Variants in ZNF131 observed in about 807,000 individuals in gnomAD.
The protein encoded by ZNF131 is zinc finger and BTB domain containing 35.
In ZNF131, 7 loss-of-function variants were observed where a neutral mutation model predicts 60.0. The observed-to-expected ratio is 0.12, with a 90% CI of 0.07 to 0.22. The LOEUF is 0.22. ZNF131 is among the 10% of genes least tolerant of loss of function. The pLI is 1.00. For missense variants in ZNF131, 493 were observed against 740.9 expected, an observed-to-expected ratio of 0.67 and a Z score of 3.88; for synonymous variants, 257 against 253.2, an observed-to-expected ratio of 1.01 and a Z score of -0.14.
At position 43,161,783 on chromosome 5, in the gene ZNF131, A is replaced by T; in HGVS notation, c.906A>T (p.Ala302=). The T allele has an allele frequency of 6.2e-7, 1 of 1,614,258 alleles. No individual in the cohort carries two copies. Among genetic ancestry groups the T allele is most frequent in the Non-Finnish European group, 8.5e-7 (1 of 1,180,052 alleles). ...ICNKRYLRES[A]WKQHLNCYHL... ...ATAAACGATATCTTCGAGAGAGCGC[A>T]TGGAAACAGCACCTAAATTGTTACC... Residue 302 remains alanine, a synonymous_variant, in exon 5 of 7, where the codon GCA becomes GCT. Transcript: ENST00000682664.
intron 5 of ZNF131, among the ~76,000 whole-genome samples, chr5:43,168,904 G>A (rs1451457603): frequency 6.6e-6 from 1 of 152,194 alleles, no homozygotes; most frequent in African/African-American, 2.4e-5. Flanking sequence ...GTAGATGGCT[G>A]TTTGATTGGA....
At chr5:43,149,164 G>A (rs367981991) in intron 4 of ZNF131, among the ~76,000 whole-genome samples, 2 of 152,048 alleles carry the variant, frequency 1.3e-5, no homozygotes, top group East Asian at 1.9e-4. Flanking sequence ...CCAGCTACTC[G>A]GGAGGCTGAG....
At chr5:43,172,229 G>C (rs1015306320) in intron 5 of ZNF131, among the ~76,000 whole-genome samples, 5 of 152,314 alleles carry the variant, frequency 3.3e-5, no homozygotes, top group South Asian at 2.1e-4. Flanking sequence ...TCTACCTGCT[G>C]TTTTAACTTG....
At chr5:43,141,188 G>T (rs1384029852) in intron 4 of ZNF131, among the ~76,000 whole-genome samples, 2 of 152,064 alleles carry the variant, frequency 1.3e-5, no homozygotes, top group Non-Finnish European at 2.9e-5. Flanking sequence ...CATATAGCAG[G>T]TGTACAGGAA....
At chr5:43,150,066 C>G (rs1748104930) in intron 4 of ZNF131, among the ~76,000 whole-genome samples, 1 of 152,206 alleles carries the variant, frequency 6.6e-6, no homozygotes, top group Non-Finnish European at 1.5e-5. Context: ...TTCTTGTTCC[C>G]TGTCCCCCTA....
intron 5 of ZNF131, among the ~76,000 whole-genome samples, chr5:43,162,202 T>C (rs949819043): frequency 3.9e-5 from 6 of 152,244 alleles, no homozygotes; most frequent in South Asian, 2.1e-4. Context: ...TTGTGACTTA[T>C]TTCCTAAAGA....
intron 5 of ZNF131, among the ~76,000 whole-genome samples, chr5:43,170,055 A>T (rs1750795185): frequency 6.6e-6 from 1 of 152,118 alleles, no homozygotes; most frequent in African/African-American, 2.4e-5. Flanking sequence ...CTCCCTAATA[A>T]TATGCACATT....
intron 3 of ZNF131, among the ~76,000 whole-genome samples, chr5:43,130,142 T>C (rs1437374017): frequency 6.6e-6 from 1 of 150,994 alleles, no homozygotes; most frequent in Non-Finnish European, 1.5e-5. Context: ...CGCGTGCCTG[T>C]AGTCCCAGCT....
intron 6 of ZNF131, among the ~76,000 whole-genome samples, chr5:43,173,946 G>A (rs1751297539): frequency 6.6e-6 from 1 of 152,138 alleles, no homozygotes; most frequent in Non-Finnish European, 1.5e-5. Context: ...GTATTTAGGT[G>A]GCCAGGCACG....
chr5:43,122,900 G>C (rs1744055590), intron 2 of ZNF131, among the ~76,000 whole-genome samples: 1 of 152,156 alleles, frequency 6.6e-6, no homozygotes, highest in Non-Finnish European at 1.5e-5. Flanking sequence ...AGTTTCAACT[G>C]AGTTGGATAT....
intron 5 of ZNF131, among the ~76,000 whole-genome samples, chr5:43,167,251 GCAGTAATTA>G (rs1750481427): frequency 6.6e-6 from 1 of 152,130 alleles, no homozygotes; most frequent in African/African-American, 2.4e-5. Flanking sequence ...TTGAAATATT[GCAGTAATTA>G]CAGTGACAGA....
In ZNF131 at chr5:43,175,087, A is replaced by G; in HGVS notation, c.1826A>G (p.Glu609Gly). The G allele has an allele frequency of 6.2e-7, 1 of 1,614,210 alleles. No homozygotes were observed. ...ETKPTVDSEA[E>G]KAENEDRTAL... ...AAGCCAACAGTGGATTCTGAAGCAG[A>G]AAAGGCAGAGAATGAGGACAGAACA... Residue 609 changes from glutamate to glycine, a missense_variant, in exon 7 of 7, where the codon GAA becomes GGA. Coordinates refer to ENST00000682664, the MANE Select transcript of ZNF131 (RefSeq NM_001330707.2).
chr5:43,142,995 C>T (rs1291379278), intron 4 of ZNF131, among the ~76,000 whole-genome samples: 1 of 151,554 alleles, frequency 6.6e-6, no homozygotes, highest in African/African-American at 2.4e-5. Context: ...CATACTTGGC[C>T]AGACATGGTT....
chr5:43,134,244 A>G (rs1745729049), intron 3 of ZNF131, among the ~76,000 whole-genome samples: 2 of 152,214 alleles, frequency 1.3e-5, no homozygotes, highest in African/African-American at 2.4e-5. Context: ...TTAATGTGAT[A>G]TACCATACTA....
chr5:43,170,697 A>G (rs1285750156), intron 5 of ZNF131, among the ~76,000 whole-genome samples: 2 of 149,258 alleles, frequency 1.3e-5, no homozygotes, highest in Non-Finnish European at 1.5e-5. Flanking sequence ...CAGTGGTGCA[A>G]TCTCGGCTCA....
intron 5 of ZNF131, among the ~76,000 whole-genome samples, chr5:43,171,455 T>G (rs989019482): frequency 2.6e-5 from 4 of 151,996 alleles, no homozygotes; most frequent in Non-Finnish European, 4.4e-5. Context: ...GGTGGATCAC[T>G]TGAGGTCAGG....
chr5:43,167,607 A>G (rs2112046849), intron 5 of ZNF131, among the ~76,000 whole-genome samples: 1 of 152,244 alleles, frequency 6.6e-6, no homozygotes, highest in African/African-American at 2.4e-5. Context: ...GATTTGTAAA[A>G]TTTTAGCTAT....
At chr5:43,149,625 A>G (rs577972157) in intron 4 of ZNF131, among the ~76,000 whole-genome samples, 2 of 152,344 alleles carry the variant, frequency 1.3e-5, no homozygotes, top group South Asian at 4.1e-4. Context: ...CTCTTTTTCA[A>G]AAATGGTTGT....
At chr5:43,139,472 T>A (rs911175129) in intron 4 of ZNF131, among the ~76,000 whole-genome samples, 163 bp downstream of exon 4, 1 of 152,248 alleles carries the variant, frequency 6.6e-6, no homozygotes, top group African/African-American at 2.4e-5. Context: ...CTGATTGTTC[T>A]TTCACTTGAC....
Sources: allele counts gnomAD v4.1 joint callset (sites outside exome capture counted in the v4.1 genomes callset), GRCh38; gene constraint gnomAD v4.1.1; transcripts MANE v1.5; gene names NCBI Gene and HGNC (gene_info 2026-07-23, HGNC 2026-07-21).